MEP1A: variants seen among roughly 807,000 people sequenced by gnomAD.
MEP1A encodes the protein N-benzoyl-L-tyrosyl-P-amino-benzoic acid hydrolase subunit alpha.
MEP1A carries 68 observed loss-of-function variants against 84.5 expected under a neutral mutation model. The ratio of observed to expected loss-of-function variants is 0.80; its 90% confidence interval spans 0.66 to 0.98. The LOEUF is 0.98. Ranked by LOEUF, MEP1A falls within the 50% of genes least tolerant of loss-of-function variation. The pLI is 0.00. For synonymous variants in MEP1A, 337 were observed against 336.8 expected, an observed-to-expected ratio of 1.00 and a Z score of -0.01; for missense variants, 887 against 919.9, an observed-to-expected ratio of 0.96 and a Z score of 0.46.
rs561994563 is a variant in MEP1A at position 46,832,248 on chromosome 6, T to C, written c.1145-826T>C. Among the ~76,000 whole-genome samples, 213 of 152,320 alleles carry C rather than the reference T, an allele frequency of 1.4e-3. 1 individual carries two copies. The highest frequency in any genetic ancestry group is 5.0e-3 in the African/African-American group (208 of 41,580). On this transcript the variant is annotated intron_variant, in intron 10 of 13. Transcript: ENST00000230588. ...GGAATACCCTGTGCAAAAATATCAG[T>C]GTAGGCACATCTCTTTGCGGAATTG...
At chr6:46,800,284 C>A (rs990203627) in intron 5 of MEP1A, among the ~76,000 whole-genome samples, 5 of 152,266 alleles carry the variant, frequency 3.3e-5, no homozygotes, top group East Asian at 1.9e-4. Flanking sequence ...TTTATGTAAC[C>A]TTTACCATGC....
chr6:46,834,123 G>A (rs1161824522), intron 11 of MEP1A, among the ~76,000 whole-genome samples: 6 of 151,966 alleles, frequency 3.9e-5, no homozygotes, highest in East Asian at 1.9e-4. Flanking sequence ...GGGTTTCACC[G>A]TGTTGCCCAG....
chr6:46,798,477 C>T, intron 3 of MEP1A, 129 bp from the exon 4 acceptor site: 1 of 762,078 alleles, frequency 1.3e-6, no homozygotes, highest in Non-Finnish European at 2.2e-6. Flanking sequence ...TGCATTGTTT[C>T]AAAAAGTTTT....
intron 6 of MEP1A, among the ~76,000 whole-genome samples, chr6:46,812,105 CT>C (rs1228721696): frequency 1.3e-5 from 2 of 151,752 alleles, no homozygotes; most frequent in African/African-American, 2.4e-5. Context: ...TGGTCCTGGA[CT>C]TTTTTTTGTT....
chr6:46,833,971 G>T (rs1245700998), intron 11 of MEP1A, among the ~76,000 whole-genome samples: 1 of 148,118 alleles, frequency 6.8e-6, no homozygotes, highest in African/African-American at 2.4e-5. Context: ...AAAGAAATGG[G>T]CAAACTATTT....
At position 46,835,384 on chromosome 6, in the gene MEP1A, C is replaced by A. The variant is rs774870617; in HGVS notation, c.1919C>A (p.Pro640His). Residue 640 changes from proline to histidine, a missense_variant, in exon 13 of 14, where the codon CCT becomes CAT. Pro to His is a moderately conservative substitution (Grantham distance 77). Transcript: ENST00000230588. The part of the protein sequence containing the change: ...SGKAMLEEAL[P>H]VSLSQGQPSR... ...AAGGCCATGTTAGAGGAAGCCCTACCTGTCAGCCTGAGCCAGGGGCAGCCC... is the reference window on the plus strand; with the variant it reads ...AAGGCCATGTTAGAGGAAGCCCTACATGTCAGCCTGAGCCAGGGGCAGCCC... 1.9e-5 allele frequency: 30 copies of A among 1,611,866 alleles called. No individual in the cohort carries two copies. The Admixed American group carries it at 4.2e-4, about 22-fold the overall frequency.
chr6:46,823,105 C>T (rs1206966662), intron 7 of MEP1A, among the ~76,000 whole-genome samples: 1 of 152,104 alleles, frequency 6.6e-6, no homozygotes, highest in East Asian at 1.9e-4. Context: ...CAATATAATC[C>T]CCATGATTTG....
rs917809605 is a variant in MEP1A, at chr6:46,839,069, G to A, written c.2174G>A (p.Gly725Asp). The A allele has an allele frequency of 6.2e-7, 1 of 1,613,796 alleles. No individual in the cohort carries two copies. The highest frequency in any genetic ancestry group is 1.7e-5 in the Admixed American group (1 of 60,022). The change falls in exon 14 of 14, where the codon GGC becomes GAC. Residue 725 changes from glycine (G) to aspartate (D), a missense_variant. Gly to Asp is a moderately conservative substitution (Grantham distance 94). Coordinates refer to ENST00000230588, the MANE Select transcript of MEP1A (RefSeq NM_005588.3). ...AGTGTCCTGGGCATGGTGATCGGAG[G>A]CACGGCTGGCGTGATCTTCTTGACC... Reference protein sequence around the residue: ...HGSVLGMVIGGTAGVIFLTFS... With the variant: ...HGSVLGMVIGDTAGVIFLTFS...
rs1250909280 is a variant in MEP1A, at chr6:46,826,476, G to T, written c.901G>T (p.Asp301Tyr). Residue 301 changes from aspartate (D) to tyrosine (Y), a missense_variant, in exon 9 of 14, where the codon GAT becomes TAT. By Grantham distance (160) the Asp-to-Tyr change is radical. Transcript: ENST00000230588. ...HQDSAQAGEV[D>Y]HTLLGQCTGA... is the part of the protein sequence containing the mutation. The stretch of plus-strand genomic sequence containing the variant: ...GGACAGTGCTCAGGCTGGAGAAGTG[G>T]ATCACACCTTGTTGGGACAATGCAC... The T allele has an allele frequency of 1.3e-6, 2 of 1,594,398 alleles. No individual in the cohort carries two copies. The highest frequency in any genetic ancestry group is 1.7e-6 in the Non-Finnish European group (2 of 1,170,262).
In MEP1A at chr6:46,824,901, ATAAATTATATATT is replaced by A. The variant is rs1562113718; in HGVS notation, c.557-365_557-353del. On this transcript the variant is annotated intron_variant, in intron 7 of 13. Transcript: ENST00000230588. ...ATTTAAATATATATAAATTATATAT[ATAAATTATATATT>A]TAAATAGATCTATTTAAATATATAT... is the stretch of plus-strand genomic sequence containing the variant. Among the ~76,000 whole-genome samples the A allele has an allele frequency of 5.0e-5, 3 of 59,888 alleles. No individual in the cohort carries two copies. The South Asian group carries it at 1.7e-3, about 33-fold the overall frequency. 39.3% of individuals were successfully genotyped at this position (59,888 alleles called of 152,430 possible).
At position 46,798,640 on chromosome 6, in the gene MEP1A, C is replaced by T. The variant is rs775075952; in HGVS notation, c.180C>T (p.Leu60=). ...TGGACCTCTTTCAAGGGGACATCCT[C>T]TTGCAGGTGAGTACCTGTCAATGAT... The part of the protein sequence containing the change: ...AGLDLFQGDI[L]LQKSRNGLRD... The change falls in exon 4 of 14, where the codon CTC becomes CTT. Residue 60 remains leucine (L), a synonymous_variant. Coordinates refer to ENST00000230588, the MANE Select transcript of MEP1A (RefSeq NM_005588.3). The T allele has an allele frequency of 6.2e-7, 1 of 1,613,968 alleles. No individual in the cohort carries two copies. Among genetic ancestry groups the T allele is most frequent in the Non-Finnish European group, 8.5e-7 (1 of 1,179,866 alleles).
the MEP1A span, among the ~76,000 whole-genome samples, chr6:46,845,037 C>G: frequency 6.6e-6 from 1 of 152,212 alleles, no homozygotes; most frequent in Non-Finnish European, 1.5e-5. Context: ...TTCCCCTTTG[C>G]CTTCCACTGT....
rs56033423 is a variant in MEP1A, at chr6:46,830,247, T to TAAAAA, written c.1144+706_1144+710dup. 6.4e-4 allele frequency among the ~76,000 whole-genome samples: 32 copies of TAAAAA among 50,102 alleles called. 2 individuals carry two copies. Among genetic ancestry groups the TAAAAA allele is most frequent in the African/African-American group, 2.4e-3 (29 of 12,158 alleles). 32.9% of individuals were successfully genotyped at this position (50,102 alleles called of 152,430 possible). ...GCTGGTGACAGAGCAAGACTCCATC[T>TAAAAA]AAAAAAAAAAAAAAAAAAAAAAAAA... On this transcript the variant is annotated intron_variant, in intron 10 of 13. Coordinates refer to ENST00000230588, the MANE Select transcript of MEP1A (RefSeq NM_005588.3).
intron 5 of MEP1A, among the ~76,000 whole-genome samples, chr6:46,807,783 GAAAGAAAGAAAGAAAGAAA>G (rs1562106993): frequency 1.0e-4 from 9 of 88,068 alleles, no homozygotes; most frequent in Non-Finnish European, 1.8e-4. Context: ...AAGAAAGAAA[GAAAGAAAGAAAGAAAGAAA>G]GAAAGAAAGA....
chr6:46,806,565 C>T (rs1303276426), intron 5 of MEP1A, among the ~76,000 whole-genome samples: 1 of 152,020 alleles, frequency 6.6e-6, no homozygotes, highest in Non-Finnish European at 1.5e-5. Flanking sequence ...TGGGCAGCAA[C>T]TGATGTATCT....
Position 46,795,879 on chromosome 6 carries a change from C to T in MEP1A, c.145+2163C>T, listed in dbSNP as rs565046588. Among the ~76,000 whole-genome samples, 11 of 152,254 alleles carry T rather than the reference C, an allele frequency of 7.2e-5. No individual in the cohort carries two copies. The East Asian group carries it at 1.9e-3, about 27-fold the overall frequency. On this transcript the variant is annotated intron_variant, in intron 3 of 13. Coordinates refer to ENST00000230588, the MANE Select transcript of MEP1A (RefSeq NM_005588.3). ...GATTCCCAAAGTGTGGTCCACAGGC[C>T]AAAGTGATCTGTGTCACTCAAGAGC...
intron 5 of MEP1A, among the ~76,000 whole-genome samples, chr6:46,807,481 C>A (rs554164380): frequency 2.1e-5 from 3 of 143,378 alleles, no homozygotes; most frequent in African/African-American, 7.8e-5. Context: ...CAAGTCGAGC[C>A]TGAGCAACAA....
downstream of MEP1A, chr6:46,839,785 T>C (rs1768301277): frequency 6.6e-6 from 1 of 152,274 alleles, no homozygotes; most frequent in East Asian, 1.9e-4. Context: ...AGCACCTTCT[T>C]TGTATCTGGT....
In MEP1A at chr6:46,833,485, A is replaced by G; in HGVS notation, c.1556A>G (p.Asn519Ser). Residue 519 changes from asparagine to serine, a missense_variant, in exon 11 of 14, where the codon AAC becomes AGC. Transcript: ENST00000230588. ...TILDQEPDVR[N>S]RMSSSMVFTT... ...CTTGACCAGGAGCCTGATGTCCGGA[A>G]CAGGATGTCCTCAAGCATGGTGTTC... 2 of 1,614,166 alleles carry G rather than the reference A, an allele frequency of 1.2e-6. No individual in the cohort carries two copies. The highest frequency in any genetic ancestry group is 1.7e-6 in the Non-Finnish European group (2 of 1,180,018).
Sources: allele counts gnomAD v4.1 joint callset (sites outside exome capture counted in the v4.1 genomes callset), GRCh38; gene constraint gnomAD v4.1.1; transcripts MANE v1.5; gene names NCBI Gene and HGNC (gene_info 2026-07-23, HGNC 2026-07-21).